The following CNTN5 variants were observed in gnomAD, a reference collection of about 807,000 sequenced individuals.
CNTN5 encodes contactin-5.
Under a neutral mutation model 129.1 loss-of-function variants are expected in CNTN5, and 77 were observed. The observed-to-expected ratio is 0.60, with a 90% confidence interval of 0.50 to 0.72. CNTN5 has a LOEUF of 0.72. Ranked by LOEUF, CNTN5 falls within the 30% of genes least tolerant of loss-of-function variation. CNTN5 has a pLI of 0.00. For missense variants in CNTN5, 1,478 were observed against 1,328.8 expected, an observed-to-expected ratio of 1.11 and a Z score of -1.75; for synonymous variants, 509 against 465.6, an observed-to-expected ratio of 1.09 and a Z score of -1.20.
intron 6 of CNTN5, among the ~76,000 whole-genome samples, chr11:99,913,510 A>G (rs1949713705): frequency 6.6e-6 from 1 of 152,076 alleles, no homozygotes; most frequent in Non-Finnish European, 1.5e-5. Flanking sequence ...CTGGTGCTAA[A>G]GTTCCCAGGA....
At chr11:99,530,377 G>T (rs1947650762) in intron 2 of CNTN5, among the ~76,000 whole-genome samples, 1 of 152,182 alleles carries the variant, frequency 6.6e-6, no homozygotes, top group East Asian at 1.9e-4. Context: ...GGAAATAGCA[G>T]ATATTAGGAG....
intron 13 of CNTN5, among the ~76,000 whole-genome samples, chr11:100,097,407 T>C (rs2138038472): frequency 6.6e-6 from 1 of 152,138 alleles, no homozygotes; most frequent in East Asian, 1.9e-4. Flanking sequence ...TCCACAAGAA[T>C]AAAAGAGGTT....
rs146082278 is a variant in CNTN5 at position 99,985,409 on chromosome 11, T to A, written c.878-16625T>A. ...AGTTGTCTCTGCTCTGAAGTCCAGC[T>A]GTCTCTCTGAAGTCAAGTCACCTCT... On this transcript the variant is annotated intron_variant, in intron 8 of 24. Transcript: ENST00000524871. 2.6e-3 allele frequency among the ~76,000 whole-genome samples: 401 copies of A among 152,270 alleles called. 1 individual carries two copies. The highest frequency in any genetic ancestry group is 9.2e-3 in the African/African-American group (383 of 41,568).
At chr11:99,545,759 C>T (rs1349098045) in intron 2 of CNTN5, among the ~76,000 whole-genome samples, 1 of 152,158 alleles carries the variant, frequency 6.6e-6, no homozygotes, top group Non-Finnish European at 1.5e-5. Context: ...CTTGTTCATG[C>T]AGAACCCTGA....
At chr11:99,787,088 A>T (rs567154013) in intron 3 of CNTN5, among the ~76,000 whole-genome samples, 2 of 40,186 alleles carry the variant, frequency 5.0e-5, no homozygotes, top group African/African-American at 1.2e-4. Context: ...CTGAAACTAC[A>T]TGTTTTTTTT....
chr11:100,054,843 G>C (rs114146911), intron 9 of CNTN5, among the ~76,000 whole-genome samples: 1 of 151,492 alleles, frequency 6.6e-6, no homozygotes, highest in Non-Finnish European at 1.5e-5. Flanking sequence ...GCATTGGTGA[G>C]GTAACAATTT....
intron 6 of CNTN5, among the ~76,000 whole-genome samples, chr11:99,868,015 G>C (rs1948400595): frequency 6.6e-6 from 1 of 152,098 alleles, no homozygotes; most frequent in South Asian, 2.1e-4. Context: ...AGGAGTTCGA[G>C]ACCAGCCTGA....
chr11:99,439,348 C>T (rs1478023706), intron 2 of CNTN5, among the ~76,000 whole-genome samples: 1 of 151,356 alleles, frequency 6.6e-6, no homozygotes, highest in Non-Finnish European at 1.5e-5. Flanking sequence ...AGGAAATATG[C>T]ACTGTGAATC....
chr11:99,780,882 A>C (rs182800234), intron 3 of CNTN5, among the ~76,000 whole-genome samples: 1 of 152,154 alleles, frequency 6.6e-6, no homozygotes, highest in East Asian at 2.0e-4. Flanking sequence ...ATGAGAGAGA[A>C]TCCTTGGTAA....
chr11:99,315,190 T>C (rs1349826343), intron 1 of CNTN5, among the ~76,000 whole-genome samples: 2 of 149,256 alleles, frequency 1.3e-5, no homozygotes, highest in Non-Finnish European at 3.0e-5. Flanking sequence ...CATAAATAGT[T>C]CACTGAGCAT....
At chr11:99,286,210 G>A (rs970416481) in intron 1 of CNTN5, among the ~76,000 whole-genome samples, 1 of 152,066 alleles carries the variant, frequency 6.6e-6, no homozygotes, top group African/African-American at 2.4e-5. Flanking sequence ...AGAGGTACCC[G>A]CTCTGTTTCA....
chr11:100,255,652 T>G, intron 16 of CNTN5, 108 bp from the exon 17 acceptor site: 1 of 938,584 alleles, frequency 1.1e-6, no homozygotes, highest in Non-Finnish European at 1.6e-6. Flanking sequence ...AATTCATATT[T>G]CATTAAGGTG....
At chr11:100,319,897 A>G (rs1033969037) in intron 21 of CNTN5, among the ~76,000 whole-genome samples, 2 of 152,118 alleles carry the variant, frequency 1.3e-5, no homozygotes, top group Admixed American at 6.5e-5. Flanking sequence ...TCTTTTTTAT[A>G]GTTGAATGGT....
In CNTN5 at chr11:100,306,442, T is replaced by C. The variant is rs549703030; in HGVS notation, c.2621-1917T>C. 2.6e-5 allele frequency among the ~76,000 whole-genome samples: 4 copies of C among 151,748 alleles called. No homozygotes were observed. The South Asian group carries it at 8.3e-4, about 31-fold the overall frequency. ...ATTATTTATCCCCCTGCAATCTTCT[T>C]TGACAAAGATGTAATTGCTTCAGCA... On this transcript the variant is annotated intron_variant, in intron 20 of 24. Coordinates refer to ENST00000524871, the MANE Select transcript of CNTN5 (RefSeq NM_014361.4).
At chr11:100,054,252 T>A (rs1943105367) in intron 9 of CNTN5, among the ~76,000 whole-genome samples, 1 of 151,678 alleles carries the variant, frequency 6.6e-6, no homozygotes, top group Non-Finnish European at 1.5e-5. Flanking sequence ...GTTAAGAGAC[T>A]CCATTTTCTA....
At chr11:100,278,218 C>A (rs1950557951) in intron 18 of CNTN5, among the ~76,000 whole-genome samples, 1 of 151,916 alleles carries the variant, frequency 6.6e-6, no homozygotes, top group African/African-American at 2.4e-5. Context: ...CTGTAGCTCT[C>A]AAGTATAATT....
At chr11:99,952,426 C>T (rs1950698610) in intron 7 of CNTN5, among the ~76,000 whole-genome samples, 1 of 152,102 alleles carries the variant, frequency 6.6e-6, no homozygotes, top group South Asian at 2.1e-4. Context: ...TATTAAAATG[C>T]TCCTGACATA....
At chr11:99,375,155 T>G (rs535980231) in intron 2 of CNTN5, among the ~76,000 whole-genome samples, 1 of 151,816 alleles carries the variant, frequency 6.6e-6, no homozygotes, top group East Asian at 2.0e-4. Flanking sequence ...ACACAAAAAG[T>G]AGCTGGGTGT....
At chr11:99,792,598 T>TGTCA (rs1214704373) in intron 3 of CNTN5, among the ~76,000 whole-genome samples, 3 of 150,094 alleles carry the variant, frequency 2.0e-5, no homozygotes, top group Non-Finnish European at 3.0e-5. Flanking sequence ...TCTGTCTGTC[T>TGTCA]GCAAGGTTTT....
Sources: gnomAD v4.1 joint callset for allele counts (sites outside exome capture counted in the v4.1 genomes callset) on GRCh38, gnomAD v4.1.1 for gene constraint, MANE v1.5 for transcripts, NCBI Gene and HGNC (gene_info 2026-07-23, HGNC 2026-07-21) for gene names.